BLNK: variants seen among roughly 807,000 people sequenced by gnomAD.
The protein encoded by BLNK is B cell linker.
In BLNK, 29 loss-of-function variants were observed where a neutral mutation model predicts 73.5. That is an observed-to-expected ratio of 0.39 (90% CI 0.29 to 0.54). The LOEUF is 0.54. Ranked by LOEUF, BLNK falls within the 20% of genes least tolerant of loss-of-function variation. The probability of loss-of-function intolerance (pLI) is 0.61; values close to 1 mark genes in which losing one functional copy is unlikely to be tolerated. For missense variants in BLNK, 460 were observed against 562.8 expected, an observed-to-expected ratio of 0.82 and a Z score of 1.85; for synonymous variants, 176 against 200.8, an observed-to-expected ratio of 0.88 and a Z score of 1.04.
chr10:96,218,339 G>A (rs2084115796), intron 6 of BLNK, among the ~76,000 whole-genome samples: 1 of 152,124 alleles, frequency 6.6e-6, no homozygotes, highest in Non-Finnish European at 1.5e-5. Context: ...TCCATTTCCA[G>A]ATGAAGAAAC....
At position 96,192,046 on chromosome 10, in the gene BLNK, G is replaced by C; in HGVS notation, c.1298C>G (p.Pro433Arg). The C allele has an allele frequency of 6.2e-7, 1 of 1,613,624 alleles. No homozygotes were observed. The highest frequency in any genetic ancestry group is 8.5e-7 in the Non-Finnish European group (1 of 1,179,724). ...ATTCTGACTGTCAATAAGAACCAAA[G>C]GACTATGTTGATGATTCCTGATGAT... is the stretch of plus-strand genomic sequence containing the variant. Reference protein sequence around the residue: ...AEIIRNHQHSPLVLIDSQNNT... With the variant: ...AEIIRNHQHSRLVLIDSQNNT... The change falls in exon 17 of 17, where the codon CCT (proline) becomes CGT (arginine). Residue 433 changes from proline (P) to arginine (R), a missense_variant. By Grantham distance (103) the Pro-to-Arg change is moderately radical. Around this residue, in one of 3 missense-constraint regions of BLNK, gnomAD observed 88 missense variants for 143.4 expected, o/e 0.61. Coordinates refer to ENST00000224337, the MANE Select transcript of BLNK (RefSeq NM_013314.4).
chr10:96,243,434 C>T (rs1476742162), intron 2 of BLNK, among the ~76,000 whole-genome samples: 1 of 152,146 alleles, frequency 6.6e-6, no homozygotes, highest in Non-Finnish European at 1.5e-5. Context: ...GTGGTCCCAG[C>T]TACTTGAGGG....
At chr10:96,219,818 A>C (rs1554900729) in intron 6 of BLNK, among the ~76,000 whole-genome samples, 1 of 152,196 alleles carries the variant, frequency 6.6e-6, no homozygotes, top group African/African-American at 2.4e-5. Flanking sequence ...TTTTCTAACA[A>C]AGAGTAGCCT....
intron 1 of BLNK, among the ~76,000 whole-genome samples, chr10:96,269,422 A>C (rs1298175048): frequency 1.1e-5 from 1 of 92,444 alleles, no homozygotes; most frequent in Non-Finnish European, 1.9e-5. Flanking sequence ...GTCTGAAAAC[A>C]AAAAAAAAAA....
chr10:96,196,136 T>A (rs10491069), intron 16 of BLNK, among the ~76,000 whole-genome samples: 15 of 152,050 alleles, frequency 9.9e-5, no homozygotes, highest in Non-Finnish European at 1.5e-4. Flanking sequence ...ATTTCTTACC[T>A]TGAATTTTGT....
chr10:96,238,648 A>G (rs1269524291), intron 3 of BLNK, among the ~76,000 whole-genome samples: 3 of 152,184 alleles, frequency 2.0e-5, no homozygotes, highest in African/African-American at 7.2e-5. Flanking sequence ...TGGGATGTGA[A>G]CTGGGGTGGG....
Position 96,200,716 on chromosome 10 carries a change from TA to T in BLNK, c.1011+265del, listed in dbSNP as rs1554895895. Reference sequence around the variant, plus strand: ...TCTATTTGGAGGAAATTACAAAGTTTAAATAAAATCTATGTGAGAGGAAGAA... The same window carrying T: ...TCTATTTGGAGGAAATTACAAAGTTTAATAAAATCTATGTGAGAGGAAGAA... On this transcript the variant is annotated intron_variant, in intron 14 of 16. Transcript: ENST00000224337. The surrounding 1 kb of genome is among the most constrained non-coding windows in gnomAD (Gnocchi z 4.3). Among the ~76,000 whole-genome samples, 1 of 152,212 alleles carries T rather than the reference TA, an allele frequency of 6.6e-6. No individual in the cohort carries two copies. Among genetic ancestry groups the T allele is most frequent in the African/African-American group, 2.4e-5 (1 of 41,464 alleles).
At chr10:96,216,268 A>AT (rs2084062638) in intron 7 of BLNK, 2 of 243,732 alleles carry the variant, frequency 8.2e-6, no homozygotes, top group South Asian at 7.0e-5. Context: ...TCACTCTTTC[A>AT]TTTTTTCACT....
intron 16 of BLNK, 84 bp from the exon 17 acceptor site, chr10:96,192,176 A>C: frequency 6.4e-4 from 984 of 1,540,492 alleles, no homozygotes; most frequent in Non-Finnish European, 8.0e-4. Flanking sequence ...TCTCATTCTC[A>C]AGTTAGTAAA....
chr10:96,249,899 G>A (rs1843209705), intron 1 of BLNK, among the ~76,000 whole-genome samples: 1 of 152,236 alleles, frequency 6.6e-6, no homozygotes, highest in Non-Finnish European at 1.5e-5. Context: ...TGGCATGGAA[G>A]GGTGGAGGGA....
chr10:96,189,731 C>T lies in BLNK; in HGVS notation c.*2242G>A, dbSNP rs2083299658. 1 of 726,324 alleles carries T rather than the reference C, an allele frequency of 1.4e-6. No individual in the cohort carries two copies. Among genetic ancestry groups the T allele is most frequent in the African/African-American group, 1.7e-5 (1 of 58,142 alleles). The allele number at this position is 726,324 out of a possible 1,614,324, so 45.0% of individuals were successfully genotyped here. A position where few individuals can be genotyped will look rare whatever the true frequency, so the allele number is the denominator to read the frequency against. ...TCATCATCATCATCATCATCATCAT[C>T]ATCTTCATCAGCAGCAAGTTTTACT... On this transcript the variant is annotated 3_prime_UTR_variant, in exon 17 of 17. Transcript: ENST00000224337.
Position 96,200,052 on chromosome 10 carries a change from A to G in BLNK, c.1095+23T>C. 7.1e-7 allele frequency: 1 copy of G among 1,399,996 alleles called. No homozygotes were observed. Among genetic ancestry groups the G allele is most frequent in the Non-Finnish European group, 9.4e-7 (1 of 1,061,850 alleles). 86.7% of individuals were successfully genotyped at this position (1,399,996 alleles called of 1,614,324 possible). Reference sequence around the variant, plus strand: ...AATAAAATAAAATAAAATAAAAATAATAAATAATAAAAATGATCAGACCTT... The same window carrying G: ...AATAAAATAAAATAAAATAAAAATAGTAAATAATAAAAATGATCAGACCTT... On this transcript the variant is annotated intron_variant, in intron 15 of 16. Transcript: ENST00000224337. The surrounding 1 kb of genome is among the most constrained non-coding windows in gnomAD (Gnocchi z 4.3).
intron 1 of BLNK, among the ~76,000 whole-genome samples, chr10:96,264,034 T>C (rs1268714145): frequency 1.3e-5 from 2 of 152,212 alleles, no homozygotes; most frequent in East Asian, 3.8e-4. Flanking sequence ...GGCCCATTTC[T>C]GGAGCAACAG....
chr10:96,199,286 A>G (rs1473499800), intron 15 of BLNK, among the ~76,000 whole-genome samples: 2 of 152,216 alleles, frequency 1.3e-5, no homozygotes, highest in Admixed American at 1.3e-4. Flanking sequence ...TTAATCTTGA[A>G]TTGTCCAAGC....
At chr10:96,271,236 G>T in intron 1 of BLNK, 116 bp downstream of exon 1, 1 of 1,198,088 alleles carries the variant, frequency 8.3e-7, no homozygotes, top group Non-Finnish European at 1.2e-6. Flanking sequence ...TATAGTAAGT[G>T]CCACCCACTG....
intron 16 of BLNK, among the ~76,000 whole-genome samples, chr10:96,196,281 A>C (rs1342631081): frequency 1.3e-5 from 2 of 152,176 alleles, no homozygotes; most frequent in Admixed American, 1.3e-4. Context: ...TAGACCATTC[A>C]TGGGTTACTC....
intron 3 of BLNK, among the ~76,000 whole-genome samples, chr10:96,240,745 G>C (rs1842857631): frequency 6.6e-6 from 1 of 152,166 alleles, no homozygotes; most frequent in Non-Finnish European, 1.5e-5. Context: ...ATGGTGGTGG[G>C]ATAGGGGTTA....
chr10:96,251,218 A>T (rs1464079805), intron 1 of BLNK, among the ~76,000 whole-genome samples: 2 of 152,226 alleles, frequency 1.3e-5, no homozygotes, highest in African/African-American at 4.8e-5. Context: ...ATCTGGGAAG[A>T]CATAGTGACC....
At chr10:96,218,584 C>A (rs587629090) in intron 6 of BLNK, among the ~76,000 whole-genome samples, 1 of 151,866 alleles carries the variant, frequency 6.6e-6, no homozygotes, top group Non-Finnish European at 1.5e-5. Context: ...GTCCCAGCTA[C>A]TCCAGAGGCT....
Sources: allele counts gnomAD v4.1 joint callset (sites outside exome capture counted in the v4.1 genomes callset), GRCh38; gene constraint gnomAD v4.1.1; regional missense constraint gnomAD v4.1.1; non-coding constraint Gnocchi (gnomAD v3.1); transcripts MANE v1.5; gene names NCBI Gene and HGNC (gene_info 2026-07-23, HGNC 2026-07-21).